Variants in ERAP1 observed in about 807,000 individuals in gnomAD.
The protein encoded by ERAP1 is endoplasmic reticulum aminopeptidase 1, also known as adipocyte-derived leucine aminopeptidase.
Under a neutral mutation model 103.7 loss-of-function variants are expected in ERAP1, and 86 were observed. That is an observed-to-expected ratio of 0.83 (90% CI 0.70 to 0.99). The LOEUF (loss-of-function observed/expected upper bound fraction) is 0.99. ERAP1 is among the 50% of genes least tolerant of loss of function. The pLI is 0.00. For synonymous variants in ERAP1, 398 were observed against 402.4 expected, an observed-to-expected ratio of 0.99 and a Z score of 0.13; for missense variants, 1,009 against 1,128.4, an observed-to-expected ratio of 0.89 and a Z score of 1.52.
chr5:96,880,129 T>G, the ERAP1 span: 2 of 1,614,122 alleles, frequency 1.2e-6, no homozygotes, highest in Non-Finnish European at 1.7e-6. Context: ...ATGAACAAAT[T>G]GCACTGCTGG....
the ERAP1 span, among the ~76,000 whole-genome samples, chr5:96,896,018 C>A: frequency 6.6e-6 from 1 of 152,198 alleles, no homozygotes; most frequent in East Asian, 1.9e-4. Flanking sequence ...AATGCATATA[C>A]CATATCTCCC....
At chr5:96,917,437 A>C in the ERAP1 span, 1 of 1,592,538 alleles carries the variant, frequency 6.3e-7, no homozygotes, top group Non-Finnish European at 8.6e-7. Context: ...AAGTGTTAGT[A>C]ATTTTTTTCT....
chr5:96,785,776 A>G lies in ERAP1; in HGVS notation c.1943+12T>C. 6.2e-7 allele frequency: 1 copy of G among 1,613,870 alleles called. No homozygotes were observed. The highest frequency in any genetic ancestry group is 2.2e-5 in the East Asian group (1 of 44,882). ...TCAGAAATAAACCGCGACTTTGTGC[A>G]GCGTGTATTACCTGACGAGCTGAAA... On this transcript the variant is annotated intron_variant, in intron 13 of 18. Coordinates refer to ENST00000443439, the MANE Select transcript of ERAP1 (RefSeq NM_001040458.3).
the ERAP1 span, among the ~76,000 whole-genome samples, chr5:96,837,144 C>T: frequency 3.3e-5 from 5 of 151,864 alleles, no homozygotes; most frequent in African/African-American, 1.2e-4. Flanking sequence ...GCATCAATTC[C>T]TCATGATAGT....
the ERAP1 span, among the ~76,000 whole-genome samples, chr5:96,864,333 C>T: frequency 6.6e-6 from 1 of 152,148 alleles, no homozygotes; most frequent in African/African-American, 2.4e-5. Context: ...AGCCATGTGT[C>T]TTTGTGTTTT....
intron 4 of ERAP1, among the ~76,000 whole-genome samples, chr5:96,795,844 G>T (rs1777290495): frequency 6.6e-6 from 1 of 152,116 alleles, no homozygotes; most frequent in African/African-American, 2.4e-5. Flanking sequence ...GATACCATAA[G>T]CAAGAGCCAG....
chr5:96,774,873 C>CT lies in ERAP1; in HGVS notation c.*1522dup. 1 of 985,346 alleles carries CT rather than the reference C, an allele frequency of 1.0e-6. No individual in the cohort carries two copies. Among genetic ancestry groups the CT allele is most frequent in the Non-Finnish European group, 1.2e-6 (1 of 829,812 alleles). 61.0% of individuals were successfully genotyped at this position (985,346 alleles called of 1,614,324 possible). A position where few individuals can be genotyped will look rare whatever the true frequency, so the allele number is the denominator to read the frequency against. On this transcript the variant is annotated 3_prime_UTR_variant, in exon 19 of 19. Transcript: ENST00000443439. ...GGCAGATTTATGTCCAGAAGTCACT[C>CT]TATTTTGTCGTGTATTAGGGGAACA...
chr5:96,887,776 A>G, the ERAP1 span, among the ~76,000 whole-genome samples: 83,532 of 152,126 alleles, frequency 0.55, 22,973 homozygotes, highest in Admixed American at 0.6. Context: ...TTATCCCAAG[A>G]GACCAAATTA....
intron 16 of ERAP1, 25 bp downstream of exon 16, chr5:96,781,668 G>T: frequency 6.2e-7 from 1 of 1,613,836 alleles, no homozygotes; most frequent in South Asian, 1.1e-5. Context: ...TTGGCCACAT[G>T]AACATGAATG....
chr5:96,919,437 TG>T, the ERAP1 span: 1 of 152,336 alleles, frequency 6.6e-6, no homozygotes, highest in Admixed American at 6.5e-5. Flanking sequence ...TAAAACATAC[TG>T]GTTTTTTTCA....
the ERAP1 span, among the ~76,000 whole-genome samples, chr5:96,832,604 C>T: frequency 6.6e-6 from 1 of 152,022 alleles, no homozygotes; most frequent in Non-Finnish European, 1.5e-5. Context: ...CTTTCTGGGC[C>T]CCTTCCAGCT....
chr5:96,935,118 G>C, the ERAP1 span: 1 of 152,432 alleles, frequency 6.6e-6, no homozygotes, highest in South Asian at 2.1e-4. Flanking sequence ...GGTTTCTCGG[G>C]CCTAGCGCCG....
At chr5:96,898,616 T>C in the ERAP1 span, among the ~76,000 whole-genome samples, 1 of 148,058 alleles carries the variant, frequency 6.8e-6, no homozygotes, top group Non-Finnish European at 1.5e-5. Flanking sequence ...GTGGATCACC[T>C]GTAATCCCAG....
intron 4 of ERAP1, among the ~76,000 whole-genome samples, chr5:96,796,367 A>G (rs11745157): frequency 0.11 from 16,911 of 152,244 alleles, 1,234 homozygotes; most frequent in Admixed American, 0.2. Context: ...GCCTTGAAAC[A>G]AGATTTTTCT....
chr5:96,774,690 T>C lies in ERAP1; in HGVS notation c.*1706A>G. The C allele has an allele frequency of 1.0e-6, 1 of 981,764 alleles. No individual in the cohort carries two copies. Among genetic ancestry groups the C allele is most frequent in the African/African-American group, 1.7e-5 (1 of 57,266 alleles). 60.8% of individuals were successfully genotyped at this position (981,764 alleles called of 1,614,324 possible). ...AAAATATTTTACATTAAAATCTTGG[T>C]TGTGTATTTTTTTAAAAGAAGGGAA... is the stretch of plus-strand genomic sequence containing the variant. On this transcript the variant is annotated 3_prime_UTR_variant, in exon 19 of 19. Transcript: ENST00000443439.
the ERAP1 span, among the ~76,000 whole-genome samples, chr5:96,853,570 A>G: frequency 1.3e-5 from 2 of 152,152 alleles, no homozygotes; most frequent in Admixed American, 6.5e-5. Flanking sequence ...GACAGCTACA[A>G]TCAACTTAAT....
At chr5:96,903,442 A>T in the ERAP1 span, 1 of 1,614,002 alleles carries the variant, frequency 6.2e-7, no homozygotes. Context: ...TGGTTACTAC[A>T]TCGTTCACTA....
chr5:96,873,640 T>C, the ERAP1 span: 1 of 352,842 alleles, frequency 2.8e-6, no homozygotes, highest in Non-Finnish European at 5.7e-6. Flanking sequence ...AGCACCCTGA[T>C]GTGCTTGAAG....
chr5:96,889,992 C>T, the ERAP1 span, among the ~76,000 whole-genome samples: 14 of 151,970 alleles, frequency 9.2e-5, no homozygotes, highest in Non-Finnish European at 1.3e-4. Context: ...TGCTTCCATC[C>T]GTTATCTGTG....
Sources: gnomAD v4.1 joint callset for allele counts (sites outside exome capture counted in the v4.1 genomes callset) on GRCh38, gnomAD v4.1.1 for gene constraint, MANE v1.5 for transcripts, NCBI Gene and HGNC (gene_info 2026-07-23, HGNC 2026-07-21) for gene names.